The following NOXA1 variants were observed in gnomAD, a reference collection of about 807,000 sequenced individuals.
The protein encoded by NOXA1 is NCF2-like protein.
NOXA1 carries 56 observed loss-of-function variants against 64.8 expected under a neutral mutation model. The ratio of observed to expected loss-of-function variants is 0.86; its 90% CI spans 0.70 to 1.08. The LOEUF is 1.08. NOXA1 is among the 50% of genes least tolerant of loss of function. The pLI is 0.00. For synonymous variants in NOXA1, 295 were observed against 294.8 expected (o/e 1.00, Z -0.01); for missense variants, 668 against 658.5 (o/e 1.01, Z -0.16).
At chr9:137,429,633 C>T (rs563315077) in intron 5 of NOXA1, among the ~76,000 whole-genome samples, 1 of 152,298 alleles carries the variant, frequency 6.6e-6, no homozygotes, top group Admixed American at 6.5e-5. Context: ...AACAAGGACC[C>T]TGCAGGTGCC....
chr9:137,428,090 T>C lies in NOXA1; in HGVS notation c.318T>C (p.Ala106=). The C allele has an allele frequency of 6.3e-7, 1 of 1,587,338 alleles. No individual in the cohort carries two copies. The highest frequency in any genetic ancestry group is 1.1e-5 in the South Asian group (1 of 87,010). ...WLALEQLRGH[A]AIDYTQLGLR... ...CCCTGGAGCAGCTGAGGGGCCACGC[T>C]GCCATCGACTACACGCAGCTGGGCC... The change falls in exon 3 of 14, where the codon GCT becomes GCC. Residue 106 remains alanine, a synonymous_variant. Transcript: ENST00000683555.
chr9:137,429,457 G>T (rs1006598899), intron 5 of NOXA1, 74 bp downstream of exon 5: 1 of 1,080,290 alleles, frequency 9.3e-7, no homozygotes, highest in Non-Finnish European at 1.4e-6. Flanking sequence ...AGGGATGGGG[G>T]GAGGTGCAGT....
chr9:137,427,060 G>C (rs969590526), intron 2 of NOXA1, among the ~76,000 whole-genome samples: 6 of 152,334 alleles, frequency 3.9e-5, no homozygotes, highest in African/African-American at 1.2e-4. Flanking sequence ...GCCTCCCAAA[G>C]TGCTGGGATT....
intron 2 of NOXA1, among the ~76,000 whole-genome samples, chr9:137,427,214 C>T (rs11534413): frequency 0.31 from 47,802 of 152,152 alleles, 7,812 homozygotes; most frequent in East Asian, 0.61. Flanking sequence ...AATTCATGCA[C>T]GCTAGCGACA....
Position 137,433,470 on chromosome 9 carries a change from C to T in NOXA1, c.927C>T (p.Gly309=). ...PAGAGGAGAG[G]SEPLVTVTVQ... is the part of the protein sequence containing the mutation. ...GGACCCAGGGAGCAGGTGCAGGGGG[C>T]TCCGAGCCCCTGGTGACTGTCACCG... Residue 309 remains glycine, a synonymous_variant, in exon 11 of 14, where the codon GGC becomes GGT. Transcript: ENST00000683555. 1.9e-6 allele frequency: 3 copies of T among 1,602,240 alleles called. No individual in the cohort carries two copies. Among genetic ancestry groups the T allele is most frequent in the Non-Finnish European group, 2.5e-6 (3 of 1,178,300 alleles).
chr9:137,427,236 G>A (rs1323569154), intron 2 of NOXA1, among the ~76,000 whole-genome samples: 1 of 152,202 alleles, frequency 6.6e-6, no homozygotes, highest in Non-Finnish European at 1.5e-5. Context: ...GCTCACGGGT[G>A]TGAGAACTAC....
At chr9:137,429,850 G>C (rs1250677761) in intron 5 of NOXA1, among the ~76,000 whole-genome samples, 1 of 23,022 alleles carries the variant, frequency 4.3e-5, no homozygotes, top group Non-Finnish European at 8.5e-5. Flanking sequence ...GCGAGGTCCC[G>C]GGGGGGGGGG....
In NOXA1 at chr9:137,433,818, G is replaced by C. The variant is rs200793364; in HGVS notation, c.1133G>C (p.Trp378Ser). 1 of 1,452,716 alleles carries C rather than the reference G, an allele frequency of 6.9e-7. No individual in the cohort carries two copies. The highest frequency in any genetic ancestry group is 2.8e-5 in the Admixed American group (1 of 35,434). The allele number at this position is 1,452,716 out of a possible 1,614,324, so 90.0% of individuals were successfully genotyped here. Reference protein sequence around the residue: ...IPEEESLQRAWQDAAACPRGL... With the variant: ...IPEEESLQRASQDAAACPRGL... The stretch of plus-strand genomic sequence containing the variant: ...GAGGAGGAGTCGCTGCAGAGGGCCT[G>C]GCAGGACGCAGCTGCCTGCCCCAGG... Residue 378 changes from tryptophan (W) to serine (S), a missense_variant, in exon 12 of 14, where the codon TGG (tryptophan) becomes TCG (serine). Transcript: ENST00000683555.
At chr9:137,427,000 T>C (rs531644259) in intron 2 of NOXA1, among the ~76,000 whole-genome samples, 8 of 152,224 alleles carry the variant, frequency 5.3e-5, no homozygotes, top group Non-Finnish European at 1.0e-4. Context: ...CATCACCATG[T>C]TGGCCAGGCT....
In NOXA1 at chr9:137,433,535, G is replaced by A. The variant is rs748874066; in HGVS notation, c.992G>A (p.Gly331Glu). ...ACAGTGGCCCTGAGGGCACGAAGAG[G>A]AGCCGACCTGTCCAGCCTGCGGGCA... Reference protein sequence around the residue: ...AFTVALRARRGADLSSLRALL... With the variant: ...AFTVALRARREADLSSLRALL... Residue 331 changes from glycine (G) to glutamate (E), a missense_variant, in exon 11 of 14, where the codon GGA becomes GAA. Transcript: ENST00000683555. 3 of 1,589,466 alleles carry A rather than the reference G, an allele frequency of 1.9e-6. No individual in the cohort carries two copies. The highest frequency in any genetic ancestry group is 2.7e-5 in the African/African-American group (2 of 74,668).
intron 10 of NOXA1, 44 bp from the exon 11 acceptor site, chr9:137,433,409 C>T: frequency 6.4e-7 from 1 of 1,563,988 alleles, no homozygotes; most frequent in Admixed American, 1.8e-5. Flanking sequence ...CTGACCAGGC[C>T]CTGGGCCTCA....
rs775677625 is a variant in NOXA1 at position 137,433,023 on chromosome 9, T to C, written c.805-6T>C. Reference sequence around the variant, plus strand: ...CCAGCCCACCCAGCCTGTGCTTCTCTTGCAGAGGCCCCAGGTGGAGCAAGT... The same window carrying C: ...CCAGCCCACCCAGCCTGTGCTTCTCCTGCAGAGGCCCCAGGTGGAGCAAGT... On this transcript the variant is annotated splice_region_variant and splice_polypyrimidine_tract_variant and intron_variant, in intron 8 of 13. Coordinates refer to ENST00000683555, the MANE Select transcript of NOXA1 (RefSeq NM_001256067.2). 1 of 1,612,508 alleles carries C rather than the reference T, an allele frequency of 6.2e-7. No homozygotes were observed. The highest frequency in any genetic ancestry group is 8.5e-7 in the Non-Finnish European group (1 of 1,179,824).
Position 137,431,763 on chromosome 9 carries a change from CGAG to C in NOXA1, c.804+423_804+425del, listed in dbSNP as rs1839118089. 6.6e-6 allele frequency among the ~76,000 whole-genome samples: 1 copy of C among 152,170 alleles called. No individual in the cohort carries two copies. Among genetic ancestry groups the C allele is most frequent in the Non-Finnish European group, 1.5e-5 (1 of 68,014 alleles). ...GGGGCCCAGCAGCGACTCCATCCCC[CGAG>C]TCCTCCCGGACACCCCGGCACCTGG... is the stretch of plus-strand genomic sequence containing the variant. On this transcript the variant is annotated intron_variant, in intron 8 of 13. Coordinates refer to ENST00000683555, the MANE Select transcript of NOXA1 (RefSeq NM_001256067.2). The surrounding 1 kb of genome is among the most constrained non-coding windows in gnomAD (Gnocchi z 5.6).
intron 5 of NOXA1, among the ~76,000 whole-genome samples, chr9:137,429,632 C>G (rs1302492411): frequency 6.6e-6 from 1 of 152,168 alleles, no homozygotes; most frequent in Non-Finnish European, 1.5e-5. Context: ...CAACAAGGAC[C>G]CTGCAGGTGC....
At chr9:137,429,208 A>G in intron 4 of NOXA1, 68 bp from the exon 5 acceptor site, 1 of 1,374,028 alleles carries the variant, frequency 7.3e-7, no homozygotes, top group Non-Finnish European at 9.8e-7. Flanking sequence ...TCCAAGGCAC[A>G]GGGGCTCTGC....
intron 2 of NOXA1, among the ~76,000 whole-genome samples, chr9:137,427,623 T>A (rs752648006): frequency 1.6e-4 from 24 of 152,280 alleles, no homozygotes; most frequent in South Asian, 2.1e-4. Flanking sequence ...AGGAGAGGCC[T>A]CTCCGGCAGG....
At chr9:137,430,153 C>T (rs1484905854) in intron 5 of NOXA1, among the ~76,000 whole-genome samples, 1 of 151,868 alleles carries the variant, frequency 6.6e-6, no homozygotes, top group Non-Finnish European at 1.5e-5. Context: ...TGGGGGGGTC[C>T]CTGTGTCCCT....
At position 137,426,286 on chromosome 9, in the gene NOXA1, G is replaced by A. The variant is rs753935714; in HGVS notation, c.216G>A (p.Ala72=). 1.5e-5 allele frequency: 24 copies of A among 1,613,682 alleles called. No homozygotes were observed. In the East Asian group the frequency reaches 3.3e-4, roughly 22 times the overall value. ...CCGTGACCAAGGACACCTGCATGGCGGTTGGCTTCTTCCAGCGAGGAGTGG... is the reference window on the plus strand; with the variant it reads ...CCGTGACCAAGGACACCTGCATGGCAGTTGGCTTCTTCCAGCGAGGAGTGG... ...DQAVTKDTCM[A]VGFFQRGVAN... The change falls in exon 2 of 14, where the codon GCG becomes GCA. Residue 72 remains alanine, a synonymous_variant. Transcript: ENST00000683555.
chr9:137,425,871 C>CAA (rs577104589), intron 1 of NOXA1, among the ~76,000 whole-genome samples: 2 of 108,348 alleles, frequency 1.8e-5, no homozygotes, highest in African/African-American at 3.4e-5. Flanking sequence ...GACCCCGTCT[C>CAA]AAAAAAAAAA....
Sources: gnomAD v4.1 joint callset for allele counts (sites outside exome capture counted in the v4.1 genomes callset) on GRCh38, gnomAD v4.1.1 for gene constraint, Gnocchi (gnomAD v3.1) non-coding constraint, MANE v1.5 for transcripts, NCBI Gene and HGNC (gene_info 2026-07-23, HGNC 2026-07-21) for gene names.